Variants in CCDC191 observed in about 807,000 individuals in gnomAD.
CCDC191 encodes coiled-coil domain containing 191, also known as coiled-coil domain-containing protein 191.
In CCDC191, 99 loss-of-function variants were observed where a neutral mutation model predicts 114.0. The observed-to-expected ratio is 0.87, with a 90% CI of 0.74 to 1.03. The LOEUF (loss-of-function observed/expected upper bound fraction) is 1.03. CCDC191 is among the 50% of genes least tolerant of loss of function. The pLI is 0.00. For missense variants in CCDC191, 973 were observed against 1,087.0 expected (o/e 0.90, Z 1.47); for synonymous variants, 351 against 376.0 (o/e 0.93, Z 0.77).
At position 114,010,263 on chromosome 3, in the gene CCDC191, T is replaced by C. The variant is rs1355633517; in HGVS notation, c.1413+509A>G. On this transcript the variant is annotated intron_variant, in intron 9 of 16. Coordinates refer to ENST00000295878, the MANE Select transcript of CCDC191 (RefSeq NM_020817.2). ...AAATATTAAGAGATAAATTTGCATA[T>C]GCTTAAAGACTAGATGGCTATACTT... is the stretch of plus-strand genomic sequence containing the variant. 2.0e-5 allele frequency among the ~76,000 whole-genome samples: 3 copies of C among 152,172 alleles called. No homozygotes were observed. The East Asian group carries it at 5.8e-4, about 29-fold the overall frequency.
Position 114,010,817 on chromosome 3 carries a change from A to T in CCDC191, c.1368T>A (p.Pro456=). The T allele has an allele frequency of 3.7e-6, 6 of 1,614,012 alleles. No individual in the cohort carries two copies. The highest frequency in any genetic ancestry group is 5.1e-6 in the Non-Finnish European group (6 of 1,179,878). ...GACCCACCATGGCTGTTGCCTCCTC[A>T]GGTAGACTGATGCCTGATAACCCAT... ...SANGLSGISL[P]EEATAMVGPP... is the part of the protein sequence containing the mutation. Residue 456 remains proline (P), a synonymous_variant, in exon 9 of 17, where the codon CCT becomes CCA. Transcript: ENST00000295878.
At chr3:114,031,520 G>A (rs948208144) in intron 7 of CCDC191, 106 bp downstream of exon 7, 22 of 945,902 alleles carry the variant, frequency 2.3e-5, no homozygotes, top group South Asian at 2.3e-4. Context: ...TTTGGTATTT[G>A]TGATGAGGTT....
At chr3:113,976,855 A>C (rs1403165249) in intron 16 of CCDC191, among the ~76,000 whole-genome samples, 7 of 152,134 alleles carry the variant, frequency 4.6e-5, no homozygotes, top group Admixed American at 1.3e-4. Context: ...TCTAAAGCTA[A>C]ATCATTTATC....
At chr3:114,019,488 TC>T (rs1287989342) in intron 7 of CCDC191, among the ~76,000 whole-genome samples, 3 of 152,204 alleles carry the variant, frequency 2.0e-5, no homozygotes, top group African/African-American at 7.2e-5. Flanking sequence ...GGTCTACTGA[TC>T]CTAAGGATGT....
chr3:114,014,259 G>A (rs775223024), intron 8 of CCDC191, among the ~76,000 whole-genome samples: 2 of 152,126 alleles, frequency 1.3e-5, no homozygotes, highest in Non-Finnish European at 2.9e-5. Flanking sequence ...GGACAAAATG[G>A]AAGATAAAAA....
At chr3:113,984,386 C>T (rs1432452661) in intron 13 of CCDC191, 1 of 152,124 alleles carries the variant, frequency 6.6e-6, no homozygotes, top group Non-Finnish European at 1.5e-5. Context: ...TCAGAAGGCA[C>T]TTGTTCAGAA....
chr3:113,979,877 A>G (rs1053425149), intron 14 of CCDC191, among the ~76,000 whole-genome samples: 5 of 152,196 alleles, frequency 3.3e-5, no homozygotes, highest in African/African-American at 1.2e-4. Context: ...AGTTGCATGC[A>G]CTGGATAAAT....
intron 9 of CCDC191, among the ~76,000 whole-genome samples, chr3:114,007,264 G>T (rs1459883245): frequency 6.6e-6 from 1 of 152,134 alleles, no homozygotes; most frequent in African/African-American, 2.4e-5. Context: ...TCTGCCATCT[G>T]CAATGGCTTA....
intron 16 of CCDC191, among the ~76,000 whole-genome samples, chr3:113,965,838 GCC>G (rs1314981949): frequency 1.3e-5 from 2 of 151,934 alleles, no homozygotes; most frequent in Non-Finnish European, 2.9e-5. Flanking sequence ...CAAGTGATCT[GCC>G]TGCCTTGGCC....
At chr3:114,022,407 C>T (rs2076256238) in intron 7 of CCDC191, among the ~76,000 whole-genome samples, 1 of 152,150 alleles carries the variant, frequency 6.6e-6, no homozygotes. Flanking sequence ...ATCAAAATTC[C>T]TCAGCTATTT....
At chr3:114,039,767 T>A (rs913874357) in intron 4 of CCDC191, among the ~76,000 whole-genome samples, 26 of 151,734 alleles carry the variant, frequency 1.7e-4, no homozygotes, top group African/African-American at 5.6e-4. Context: ...GTATATAGAA[T>A]ATAAAAAAAT....
chr3:114,028,128 G>A (rs1395578727), intron 7 of CCDC191, among the ~76,000 whole-genome samples: 1 of 152,160 alleles, frequency 6.6e-6, no homozygotes, highest in East Asian at 1.9e-4. Context: ...TGAAAAGGGA[G>A]GGGAAGAAAA....
chr3:113,993,055 A>G (rs2075619419), intron 13 of CCDC191, among the ~76,000 whole-genome samples: 2 of 152,356 alleles, frequency 1.3e-5, no homozygotes, highest in Non-Finnish European at 2.9e-5. Context: ...GGATAAAAGT[A>G]ATATGATCAT....
At position 113,978,919 on chromosome 3, in the gene CCDC191, G is replaced by T. The variant is rs376073972; in HGVS notation, c.2399C>A (p.Ala800Asp). The T allele has an allele frequency of 6.2e-7, 1 of 1,613,914 alleles. No individual in the cohort carries two copies. Among genetic ancestry groups the T allele is most frequent in the African/African-American group, 1.3e-5 (1 of 74,908 alleles). The change falls in exon 15 of 17, where the codon GCC becomes GAC. Residue 800 changes from alanine (A) to aspartate (D), a missense_variant. By Grantham distance (126) the Ala-to-Asp change is moderately radical. Coordinates refer to ENST00000295878, the MANE Select transcript of CCDC191 (RefSeq NM_020817.2). ...RSQESLARKM[A>D]QADQFYSQIL... is the part of the protein sequence containing the mutation. ...TTGGGAATAAAATTGATCAGCCTGG[G>T]CCATCTTTCTAGCCAGACTTTCCTG...
chr3:113,968,711 T>G (rs1262181405), intron 16 of CCDC191, among the ~76,000 whole-genome samples: 1 of 151,934 alleles, frequency 6.6e-6, no homozygotes, highest in Non-Finnish European at 1.5e-5. Flanking sequence ...CCACCCACCT[T>G]AGCCTCCCAA....
In CCDC191 at chr3:114,052,235, T is replaced by C. The variant is rs2076707274; in HGVS notation, c.129+1362A>G. Among the ~76,000 whole-genome samples the C allele has an allele frequency of 7.9e-5, 12 of 151,940 alleles. No homozygotes were observed. In the South Asian group the frequency reaches 1.9e-3, roughly 24 times the overall value. On this transcript the variant is annotated intron_variant, in intron 2 of 16. Transcript: ENST00000295878. Reference sequence around the variant, plus strand: ...AATGGAGACAGAGCCAATGCAGAAATGTTAGAGGAATGATAAAAGATGATA... The same window carrying C: ...AATGGAGACAGAGCCAATGCAGAAACGTTAGAGGAATGATAAAAGATGATA...
At chr3:114,046,780 T>C (rs1181510919) in intron 2 of CCDC191, 48 bp from the exon 3 acceptor site, 3 of 1,538,028 alleles carry the variant, frequency 2.0e-6, no homozygotes, top group African/African-American at 2.8e-5. Flanking sequence ...AACAAATTTG[T>C]TCAGTTAGAG....
chr3:113,976,821 G>A (rs1941396656), intron 16 of CCDC191, among the ~76,000 whole-genome samples: 2 of 152,128 alleles, frequency 1.3e-5, no homozygotes, highest in South Asian at 4.1e-4. Context: ...GGGTCACATA[G>A]ATATTGAGTC....
chr3:113,996,596 C>T (rs2075728415), intron 13 of CCDC191, among the ~76,000 whole-genome samples: 1 of 152,032 alleles, frequency 6.6e-6, no homozygotes, highest in African/African-American at 2.4e-5. Flanking sequence ...GCACTATTTA[C>T]AATAGCAAAG....
Sources: allele counts gnomAD v4.1 joint callset (sites outside exome capture counted in the v4.1 genomes callset), GRCh38; gene constraint gnomAD v4.1.1; transcripts MANE v1.5; gene names NCBI Gene and HGNC (gene_info 2026-07-23, HGNC 2026-07-21).